ARHGEF11: variants seen among roughly 807,000 people sequenced by gnomAD.
ARHGEF11 encodes the protein Rho guanine exchange factor (GEF) 11.
A neutral mutation model predicts 193.7 loss-of-function variants in ARHGEF11; 55 were observed. The ratio of observed to expected loss-of-function variants is 0.28; its 90% CI spans 0.23 to 0.36. The LOEUF (loss-of-function observed/expected upper bound fraction) is 0.36, where lower values mean the gene tolerates loss of function less well. Ranked by LOEUF, ARHGEF11 falls within the 10% of genes least tolerant of loss-of-function variation. The pLI, the probability that ARHGEF11 is intolerant of heterozygous loss-of-function variation, is 1.00. For missense variants in ARHGEF11, 1,723 were observed against 2,005.6 expected (o/e 0.86, Z 2.69); for synonymous variants, 693 against 768.0 (o/e 0.90, Z 1.62).
At position 156,946,751 on chromosome 1, in the gene ARHGEF11, C is replaced by A. The variant is rs763106786; in HGVS notation, c.2605G>T (p.Ala869Ser). 25 of 1,614,198 alleles carry A rather than the reference C, an allele frequency of 1.5e-5. No homozygotes were observed. The highest frequency in any genetic ancestry group is 2.1e-5 in the Non-Finnish European group (25 of 1,180,024). Residue 869 changes from alanine (A) to serine (S), a missense_variant, in exon 28 of 41, where the codon GCT becomes TCT. This residue lies in a region of ARHGEF11 where 491 missense variants were observed against 654.5 expected (regional missense o/e 0.75). Coordinates refer to ENST00000368194, the MANE Select transcript of ARHGEF11 (RefSeq NM_198236.3). ...GACTGATAGGAACAGAACTGTGCAG[C>A]CACTTGCTGGAGTTCCTCTCGGGCA... ...GPAREELQQV[A>S]AQFCSYQSIA...
rs534652261 is a variant in ARHGEF11 at position 156,940,364 on chromosome 1, C to T, written c.3576G>A (p.Gln1192=). 1.7e-5 allele frequency: 27 copies of T among 1,613,716 alleles called. No homozygotes were observed. The highest frequency in any genetic ancestry group is 1.6e-4 in the South Asian group (15 of 90,942). ...GTTCCTCTTCCTCTGCACTGCCCTCCTGCTCAGGGTCCTCTAGCAGGACCT... is the reference window on the plus strand; with the variant it reads ...GTTCCTCTTCCTCTGCACTGCCCTCTTGCTCAGGGTCCTCTAGCAGGACCT... ...KHQVLLEDPE[Q]EGSAEEEELG... The change falls in exon 36 of 41, where the codon CAG becomes CAA. Residue 1192 remains glutamine (Q), a synonymous_variant. Coordinates refer to ENST00000368194, the MANE Select transcript of ARHGEF11 (RefSeq NM_198236.3).
intron 3 of ARHGEF11, among the ~76,000 whole-genome samples, 187 bp from the exon 4 acceptor site, chr1:156,980,673 A>G (rs1479637129): frequency 6.6e-6 from 1 of 152,060 alleles, no homozygotes; most frequent in African/African-American, 2.4e-5. Context: ...AGTGAACTAT[A>G]TAAGGTCCCA....
At chr1:156,942,102 G>C in intron 33 of ARHGEF11, 113 bp from the exon 34 acceptor site, 1 of 1,515,412 alleles carries the variant, frequency 6.6e-7, no homozygotes, top group South Asian at 1.2e-5. Context: ...CCCTCTGCCT[G>C]GCAGGTGCCC....
At chr1:156,941,670 G>T (rs570105053) in intron 34 of ARHGEF11, among the ~76,000 whole-genome samples, 194 bp downstream of exon 34, 2 of 152,300 alleles carry the variant, frequency 1.3e-5, no homozygotes, top group Non-Finnish European at 2.9e-5. Context: ...GGCAGGCTGT[G>T]GGGGAGCAGA....
In ARHGEF11 at chr1:156,945,208, G is replaced by A; in HGVS notation, c.2813-11C>T. The A allele has an allele frequency of 6.2e-6, 10 of 1,611,544 alleles. No individual in the cohort carries two copies. Among genetic ancestry groups the A allele is most frequent in the Non-Finnish European group, 8.5e-6 (10 of 1,178,512 alleles). On this transcript the variant is annotated splice_polypyrimidine_tract_variant and intron_variant, in intron 29 of 40. Transcript: ENST00000368194. ...GCTCAGAGGTGCCACCTACCAAAATGGACAGAAGAGATGGTTGGGGCTCCT... is the reference window on the plus strand; with the variant it reads ...GCTCAGAGGTGCCACCTACCAAAATAGACAGAAGAGATGGTTGGGGCTCCT...
At position 156,942,121 on chromosome 1, in the gene ARHGEF11, G is replaced by A. The variant is rs1657129838; in HGVS notation, c.3327-132C>T. 3.1e-6 allele frequency: 4 copies of A among 1,299,912 alleles called. No homozygotes were observed. The African/African-American group carries it at 5.9e-5, about 19-fold the overall frequency. The allele number at this position is 1,299,912 out of a possible 1,614,324, so 80.5% of individuals were successfully genotyped here. On this transcript the variant is annotated intron_variant, in intron 33 of 40. Transcript: ENST00000368194. ...CTGCCTGGCAGGTGCCCACCTCCCT[G>A]TACAGTCCTCCCTGGCTGCTCCCTT...
intron 18 of ARHGEF11, 141 bp from the exon 19 acceptor site, chr1:156,956,705 A>C: frequency 7.7e-7 from 1 of 1,300,234 alleles, no homozygotes; most frequent in Non-Finnish European, 1.0e-6. Flanking sequence ...AGAATAATTA[A>C]ATGGGACAGC....
intron 1 of ARHGEF11, among the ~76,000 whole-genome samples, chr1:156,995,625 G>A (rs1024313379): frequency 1.3e-5 from 2 of 149,912 alleles, no homozygotes; most frequent in Non-Finnish European, 3.0e-5. Flanking sequence ...ATGCAATCAC[G>A]GCTCACTGCA....
chr1:157,014,405 CT>C (rs1027665458), intron 1 of ARHGEF11, among the ~76,000 whole-genome samples: 3 of 151,420 alleles, frequency 2.0e-5, no homozygotes, highest in African/African-American at 7.3e-5. Flanking sequence ...CTCTCTCTCT[CT>C]TTTTTTTTCT....
At position 156,948,284 on chromosome 1, in the gene ARHGEF11, A is replaced by G. The variant is rs373084942; in HGVS notation, c.2105+35T>C. The G allele has an allele frequency of 6.2e-7, 1 of 1,608,356 alleles. No individual in the cohort carries two copies. Among genetic ancestry groups the G allele is most frequent in the Non-Finnish European group, 8.5e-7 (1 of 1,175,248 alleles). On this transcript the variant is annotated intron_variant, in intron 23 of 40. Coordinates refer to ENST00000368194, the MANE Select transcript of ARHGEF11 (RefSeq NM_198236.3). This position sits in a 1 kb window ranked among gnomAD's most constrained non-coding sequence, Gnocchi z 4.2. ...CTCTATCCTTGCCGCCACCCCTGAG[A>G]TGTCCATGGGTGCAGCCGTTGTAGC...
Position 156,946,056 on chromosome 1 carries a change from T to C in ARHGEF11, c.2801A>G (p.Lys934Arg). 1 of 1,613,316 alleles carries C rather than the reference T, an allele frequency of 6.2e-7. No individual in the cohort carries two copies. The highest frequency in any genetic ancestry group is 8.5e-7 in the Non-Finnish European group (1 of 1,179,680). The change falls in exon 29 of 41, where the codon AAG becomes AGG. Residue 934 changes from lysine to arginine, a missense_variant. By Grantham distance (26) the Lys-to-Arg change is conservative. Transcript: ENST00000368194. ...TCCCCAGGTGCTACCCTCTGTGTGC[T>C]TGATGATGCTCTCCAGCAGCAGCGG... ...KYPLLLESIIKHTEGGTSEHE... is the reference protein window; with the variant it reads ...KYPLLLESIIRHTEGGTSEHE...
At position 156,936,819 on chromosome 1, in the gene ARHGEF11, C is replaced by A. The variant is rs775758890; in HGVS notation, c.4627G>T (p.Asp1543Tyr). 1 of 1,613,112 alleles carries A rather than the reference C, an allele frequency of 6.2e-7. No individual in the cohort carries two copies. Among genetic ancestry groups the A allele is most frequent in the Non-Finnish European group, 8.5e-7 (1 of 1,179,512 alleles). Residue 1543 changes from aspartate to tyrosine, a missense_variant, in exon 40 of 41, where the codon GAT (aspartate) becomes TAT (tyrosine). By Grantham distance (160) the Asp-to-Tyr change is radical (BLOSUM62 -3). This residue lies in a region of ARHGEF11 where 360 missense variants were observed against 344.4 expected (regional missense o/e 1.05). Transcript: ENST00000368194. ...NSHELGPCPEDGSDAPLEDST... is the reference protein window; with the variant it reads ...NSHELGPCPEYGSDAPLEDST... ...AGAGGGACCTGGCTTCACTCACCAT[C>A]CTCAGGGCAGGGCCCCAGTTCATGG...
intron 10 of ARHGEF11, 33 bp from the exon 11 acceptor site, chr1:156,968,157 C>G (rs1040327461): frequency 6.3e-7 from 1 of 1,586,890 alleles, no homozygotes; most frequent in African/African-American, 1.3e-5. Context: ...GAGAAGGAAC[C>G]TTGTCCGGAA....
At chr1:157,027,780 C>A (rs986175967) in intron 1 of ARHGEF11, among the ~76,000 whole-genome samples, 1 of 152,150 alleles carries the variant, frequency 6.6e-6, no homozygotes, top group African/African-American at 2.4e-5. Flanking sequence ...ACTAACAGAC[C>A]CCCAAGGCTA....
intron 1 of ARHGEF11, among the ~76,000 whole-genome samples, chr1:157,027,268 G>A (rs894218679): frequency 5.3e-5 from 8 of 152,098 alleles, no homozygotes; most frequent in African/African-American, 1.9e-4. Context: ...TGTAGTCCCA[G>A]CTACTCAGGA....
chr1:156,958,518 A>G (rs1163818821), intron 17 of ARHGEF11, among the ~76,000 whole-genome samples: 1 of 152,206 alleles, frequency 6.6e-6, no homozygotes, highest in East Asian at 1.9e-4. Flanking sequence ...GTGGTCTGTC[A>G]TAACCACCAA....
chr1:157,008,406 G>GCACACACACACA (rs60934928), intron 1 of ARHGEF11, among the ~76,000 whole-genome samples: 18 of 149,120 alleles, frequency 1.2e-4, no homozygotes, highest in African/African-American at 4.0e-4. Context: ...TTGCACGCAC[G>GCACACACACACA]CACACACACA....
chr1:156,971,304 G>C lies in ARHGEF11; in HGVS notation c.702+393C>G, dbSNP rs537600693. Among the ~76,000 whole-genome samples the C allele has an allele frequency of 4.6e-5, 7 of 152,320 alleles. No individual in the cohort carries two copies. In the East Asian group the frequency reaches 1.3e-3, roughly 29 times the overall value. On this transcript the variant is annotated intron_variant, in intron 8 of 40. Transcript: ENST00000368194. ...ATTTCTTTGAGAAGACTCATTACTTGAGTATAGGTGGTGGGAAAGGGTACC... is the reference window on the plus strand; with the variant it reads ...ATTTCTTTGAGAAGACTCATTACTTCAGTATAGGTGGTGGGAAAGGGTACC...
Position 157,034,388 on chromosome 1 carries a change from G to A in ARHGEF11, c.32+9911C>T, listed in dbSNP as rs1036897606. On this transcript the variant is annotated intron_variant, in intron 1 of 40. Coordinates refer to ENST00000368194, the MANE Select transcript of ARHGEF11 (RefSeq NM_198236.3). ...AGACTCCTGCAGGGAAAGGCAGCCC[G>A]GAAATCAAGCCGCCATGGGGAAATC... Among the ~76,000 whole-genome samples the A allele has an allele frequency of 2.6e-5, 4 of 152,208 alleles. No homozygotes were observed. The East Asian group carries it at 5.8e-4, about 22-fold the overall frequency.
Sources: allele counts gnomAD v4.1 joint callset (sites outside exome capture counted in the v4.1 genomes callset), GRCh38; gene constraint gnomAD v4.1.1; regional missense constraint gnomAD v4.1.1; non-coding constraint Gnocchi (gnomAD v3.1); transcripts MANE v1.5; gene names NCBI Gene and HGNC (gene_info 2026-07-23, HGNC 2026-07-21).